The following TDRP variants were observed in gnomAD, a reference collection of about 807,000 sequenced individuals.
TDRP encodes the protein testis development-related protein.
Under a neutral mutation model 10.5 loss-of-function variants are expected in TDRP, and 12 were observed. That is an observed-to-expected ratio of 1.15 (90% CI 0.73 to 1.86). TDRP has a LOEUF of 1.86. Among genes scored for constraint, TDRP ranks in the 40% most tolerant of loss-of-function variants. The probability of loss-of-function intolerance (pLI) is 0.00; values close to 1 mark genes in which losing one functional copy is unlikely to be tolerated. For missense variants in TDRP, 353 were observed against 229.2 expected, an observed-to-expected ratio of 1.54 and a Z score of -3.49; for synonymous variants, 139 against 95.4, an observed-to-expected ratio of 1.46 and a Z score of -2.67.
chr8:543,696 ATCTC>A (rs1242989636), intron 1 of TDRP, among the ~76,000 whole-genome samples: 3 of 152,098 alleles, frequency 2.0e-5, no homozygotes, highest in Admixed American at 6.5e-5. Flanking sequence ...TTCATAGAAA[ATCTC>A]TATCAAGAAG....
chr8:537,154 G>A (rs1014298559), intron 1 of TDRP, among the ~76,000 whole-genome samples: 4 of 152,216 alleles, frequency 2.6e-5, no homozygotes, highest in African/African-American at 9.6e-5. Context: ...CCTCTCAGGG[G>A]CACTGCTGAG....
At chr8:522,841 C>A (rs1394671957) in intron 1 of TDRP, among the ~76,000 whole-genome samples, 1 of 152,222 alleles carries the variant, frequency 6.6e-6, no homozygotes, top group African/African-American at 2.4e-5. Flanking sequence ...CACTCCTACT[C>A]CCTTTTAGTA....
At chr8:528,548 C>T (rs1802097440) in intron 1 of TDRP, among the ~76,000 whole-genome samples, 1 of 148,190 alleles carries the variant, frequency 6.7e-6, no homozygotes, top group African/African-American at 2.5e-5. Flanking sequence ...ATATAGTTAG[C>T]ATAAGATCTG....
chr8:538,143 C>A (rs1802393903), intron 1 of TDRP, among the ~76,000 whole-genome samples: 1 of 152,156 alleles, frequency 6.6e-6, no homozygotes, highest in Admixed American at 6.5e-5. Flanking sequence ...TCCCAACAGG[C>A]AAAGACAGCT....
chr8:498,964 G>A (rs554839583), intron 1 of TDRP, among the ~76,000 whole-genome samples: 3 of 152,078 alleles, frequency 2.0e-5, no homozygotes, highest in Non-Finnish European at 4.4e-5. Flanking sequence ...AGTTTCCTGA[G>A]GCCTCCCCAG....
rs1481427607 is a variant in TDRP, at chr8:492,521, A to C, written c.436T>G (p.Tyr146Asp). The C allele has an allele frequency of 1.9e-6, 3 of 1,610,392 alleles. No individual in the cohort carries two copies. The highest frequency in any genetic ancestry group is 2.7e-5 in the African/African-American group (2 of 74,904). ...TTGGCAGAGCTGGCCAGGCTGGTGT[A>C]CTTGGTCGAGCCCTTGGCGTCATCC... ...WEDDAKGSTK[Y>D]TSLASSANSS... is the part of the protein sequence containing the mutation. The change falls in exon 3 of 3, where the codon TAC (tyrosine) becomes GAC (aspartate). Residue 146 changes from tyrosine to aspartate, a missense_variant. Physicochemically the swap from Tyr to Asp is radical, Grantham distance 160 (BLOSUM62 -3). Coordinates refer to ENST00000324079, the MANE Select transcript of TDRP (RefSeq NM_001384899.1).
At chr8:504,820 T>C (rs1418447412) in intron 1 of TDRP, among the ~76,000 whole-genome samples, 1 of 152,208 alleles carries the variant, frequency 6.6e-6, no homozygotes, top group Non-Finnish European at 1.5e-5. Flanking sequence ...TTGTGCTCTC[T>C]GCTCATTCAC....
chr8:507,538 G>A (rs548199597), intron 1 of TDRP, among the ~76,000 whole-genome samples: 4 of 152,094 alleles, frequency 2.6e-5, no homozygotes, highest in Non-Finnish European at 5.9e-5. Flanking sequence ...AGCTGCATGC[G>A]GTCACGGACA....
At chr8:494,440 A>C in intron 2 of TDRP, 54 bp downstream of exon 2, 2 of 1,547,994 alleles carry the variant, frequency 1.3e-6, no homozygotes, top group Admixed American at 3.4e-5. Flanking sequence ...CCACCTCCTC[A>C]GTGACTTCCT....
At chr8:525,015 T>C (rs544554188) in intron 1 of TDRP, among the ~76,000 whole-genome samples, 1 of 152,280 alleles carries the variant, frequency 6.6e-6, no homozygotes, top group Non-Finnish European at 1.5e-5. Context: ...TCAAGGCTTT[T>C]ACTAATCAAA....
intron 1 of TDRP, among the ~76,000 whole-genome samples, chr8:515,711 AG>A (rs1047620709): frequency 6.6e-6 from 1 of 152,218 alleles, no homozygotes; most frequent in Non-Finnish European, 1.5e-5. Flanking sequence ...GTTATAATCA[AG>A]ACAATGCATA....
chr8:491,731 A>G lies in TDRP; in HGVS notation c.*668T>C. 2.8e-6 allele frequency: 4 copies of G among 1,438,644 alleles called. No individual in the cohort carries two copies. Among genetic ancestry groups the G allele is most frequent in the Middle Eastern group, 2.4e-4 (1 of 4,112 alleles). 89.1% of individuals were successfully genotyped at this position (1,438,644 alleles called of 1,614,324 possible). A position where few individuals can be genotyped will look rare whatever the true frequency, so the allele number is the denominator to read the frequency against. On this transcript the variant is annotated 3_prime_UTR_variant, in exon 3 of 3. Coordinates refer to ENST00000324079, the MANE Select transcript of TDRP (RefSeq NM_001384899.1). Reference sequence around the variant, plus strand: ...ATAAAGGGACCGATTTAGAAGTTCAAAAGAGGTAAAAATAAAATTCCAAAA... The same window carrying G: ...ATAAAGGGACCGATTTAGAAGTTCAGAAGAGGTAAAAATAAAATTCCAAAA...
At chr8:497,119 C>T (rs1001771542) in intron 1 of TDRP, among the ~76,000 whole-genome samples, 7 of 152,042 alleles carry the variant, frequency 4.6e-5, no homozygotes, top group African/African-American at 1.4e-4. Flanking sequence ...TACCTGAAAA[C>T]GTGGAAGTGT....
At chr8:494,906 C>G (rs1801084969) in intron 1 of TDRP, 1 of 219,384 alleles carries the variant, frequency 4.6e-6, no homozygotes, top group Non-Finnish European at 9.1e-6. Context: ...GACGAAGCTT[C>G]CCTCACAAAT....
intron 1 of TDRP, among the ~76,000 whole-genome samples, chr8:514,933 T>C (rs539273815): frequency 3.3e-5 from 5 of 152,162 alleles, no homozygotes; most frequent in Admixed American, 6.5e-5. Context: ...AATGAAGGAA[T>C]TGGATCATGA....
At chr8:537,752 A>C (rs1802385242) in intron 1 of TDRP, among the ~76,000 whole-genome samples, 1 of 152,184 alleles carries the variant, frequency 6.6e-6, no homozygotes, top group Non-Finnish European at 1.5e-5. Flanking sequence ...CCCAGAGGAG[A>C]CGAGCCTAAC....
At chr8:522,741 G>A (rs1187333910) in intron 1 of TDRP, among the ~76,000 whole-genome samples, 1 of 152,048 alleles carries the variant, frequency 6.6e-6, no homozygotes, top group Non-Finnish European at 1.5e-5. Context: ...CTCAACCCCT[G>A]CCTCTGATTC....
rs773941169 is a variant in TDRP at position 492,586 on chromosome 8, T to C, written c.371A>G (p.Glu124Gly). 2.1e-5 allele frequency: 34 copies of C among 1,613,738 alleles called. No individual in the cohort carries two copies. Among genetic ancestry groups the C allele is most frequent in the South Asian group, 6.6e-5 (6 of 91,072 alleles). The change falls in exon 3 of 3, where the codon GAG becomes GGG. Residue 124 changes from glutamate to glycine, a missense_variant. Physicochemically the swap from Glu to Gly is moderately conservative, Grantham distance 98. Transcript: ENST00000324079. ...GGATGGGTGGCCACCCACGGTGTCCTCAGGGTCAGCCGATATGTCTTCAAG... is the reference window on the plus strand; with the variant it reads ...GGATGGGTGGCCACCCACGGTGTCCCCAGGGTCAGCCGATATGTCTTCAAG... ...LALEDISADP[E>G]DTVGGHPSWS...
intron 1 of TDRP, among the ~76,000 whole-genome samples, chr8:544,225 C>T (rs1802575352): frequency 6.6e-6 from 1 of 152,278 alleles, no homozygotes; most frequent in African/African-American, 2.4e-5. Flanking sequence ...GCCTTCTCCG[C>T]CAGCTCCACC....
Sources: gnomAD v4.1 joint callset for allele counts (sites outside exome capture counted in the v4.1 genomes callset) on GRCh38, gnomAD v4.1.1 for gene constraint, MANE v1.5 for transcripts, NCBI Gene and HGNC (gene_info 2026-07-23, HGNC 2026-07-21) for gene names.